The following TTBK2 variants were observed in gnomAD, a reference collection of about 807,000 sequenced individuals.
TTBK2 encodes the protein tau-tubulin kinase 2.
A neutral mutation model predicts 110.8 loss-of-function variants in TTBK2; 28 were observed. The observed-to-expected ratio is 0.25, with a 90% CI of 0.19 to 0.35. The LOEUF is 0.35. TTBK2 is among the 10% of genes least tolerant of loss of function. The probability of loss-of-function intolerance (pLI) is 1.00; values close to 1 mark genes in which losing one functional copy is unlikely to be tolerated. For missense variants in TTBK2, 1,369 were observed against 1,500.3 expected (o/e 0.91, Z 1.45); for synonymous variants, 532 against 527.3 (o/e 1.01, Z -0.12).
At chr15:42,818,467 C>T (rs1892134348) in intron 6 of TTBK2, among the ~76,000 whole-genome samples, 1 of 152,122 alleles carries the variant, frequency 6.6e-6, no homozygotes, top group Non-Finnish European at 1.5e-5. Context: ...CGCCTGTAAT[C>T]CCAGCACTTT....
chr15:42,763,359 A>G (rs973452860), intron 13 of TTBK2, among the ~76,000 whole-genome samples: 2 of 148,902 alleles, frequency 1.3e-5, no homozygotes, highest in Non-Finnish European at 3.0e-5. Flanking sequence ...GATTACAAGC[A>G]TGCCCCATCA....
intron 3 of TTBK2, among the ~76,000 whole-genome samples, chr15:42,863,792 C>T (rs542697288): frequency 9.8e-5 from 15 of 152,294 alleles, no homozygotes; most frequent in African/African-American, 3.4e-4. Context: ...CTATAACCAA[C>T]TGATCTTTGA....
chr15:42,894,547 T>C (rs940173182), intron 1 of TTBK2, among the ~76,000 whole-genome samples: 2 of 151,350 alleles, frequency 1.3e-5, no homozygotes, highest in Admixed American at 6.6e-5. Flanking sequence ...AGCCCAGGAG[T>C]TTGAGACCAG....
chr15:42,783,375 GAACT>G, intron 11 of TTBK2, 40 bp downstream of exon 11: 2 of 1,589,588 alleles, frequency 1.3e-6, no homozygotes, highest in South Asian at 2.2e-5. Flanking sequence ...CCAGCCTTCT[GAACT>G]GTAAGAAATA....
At chr15:42,809,635 C>T (rs188687483) in intron 9 of TTBK2, among the ~76,000 whole-genome samples, 2 of 152,310 alleles carry the variant, frequency 1.3e-5, no homozygotes, top group Admixed American at 6.5e-5. Context: ...TCCAAAACAA[C>T]TCACACACAG....
chr15:42,886,883 G>A (rs934421880), intron 1 of TTBK2, among the ~76,000 whole-genome samples: 7 of 151,984 alleles, frequency 4.6e-5, no homozygotes, highest in Non-Finnish European at 5.9e-5. Flanking sequence ...TGTGAGGGAC[G>A]CCACTGGAAA....
rs2061780888 is a variant in TTBK2 at position 42,745,651 on chromosome 15, G to A, written c.*144C>T. The A allele has an allele frequency of 1.0e-6, 1 of 996,334 alleles. No homozygotes were observed. The highest frequency in any genetic ancestry group is 1.6e-5 in the African/African-American group (1 of 62,712). 61.7% of individuals were successfully genotyped at this position (996,334 alleles called of 1,614,324 possible). A position where few individuals can be genotyped will look rare whatever the true frequency, so the allele number is the denominator to read the frequency against. On this transcript the variant is annotated 3_prime_UTR_variant, in exon 15 of 15. Transcript: ENST00000267890. ...TAGGTAATTCCTTATCATGTATTAT[G>A]TCTTCTTATAAATAATTGATCATGT...
intron 7 of TTBK2, among the ~76,000 whole-genome samples, chr15:42,816,203 G>A (rs569808049): frequency 2.3e-4 from 33 of 141,418 alleles, no homozygotes; most frequent in African/African-American, 8.5e-4. Flanking sequence ...CACAACCTTC[G>A]CCTCCCAGGT....
intron 4 of TTBK2, among the ~76,000 whole-genome samples, chr15:42,830,288 A>G (rs1287994534): frequency 1.3e-5 from 2 of 152,010 alleles, no homozygotes; most frequent in Non-Finnish European, 2.9e-5. Context: ...CCCGGGTTCA[A>G]GCGATTCTCC....
chr15:42,769,426 A>C (rs1217547101), intron 13 of TTBK2, among the ~76,000 whole-genome samples: 1 of 152,140 alleles, frequency 6.6e-6, no homozygotes, highest in African/African-American at 2.4e-5. Flanking sequence ...GACAAAAACA[A>C]CCCCAACAAA....
chr15:42,859,427 G>A (rs1445139674), intron 3 of TTBK2, among the ~76,000 whole-genome samples: 2 of 152,124 alleles, frequency 1.3e-5, no homozygotes, highest in Non-Finnish European at 2.9e-5. Flanking sequence ...TTTTACTGAA[G>A]CTTAATGGAT....
At chr15:42,882,889 T>G (rs1201479186) in intron 1 of TTBK2, among the ~76,000 whole-genome samples, 1 of 152,096 alleles carries the variant, frequency 6.6e-6, no homozygotes, top group African/African-American at 2.4e-5. Context: ...TCAAGGAAAG[T>G]TCTTCTGAGA....
At chr15:42,901,389 C>T (rs545863894) in intron 1 of TTBK2, among the ~76,000 whole-genome samples, 1 of 150,878 alleles carries the variant, frequency 6.6e-6, no homozygotes, top group Admixed American at 6.6e-5. Context: ...TAGAGGAAAA[C>T]ATAGGGGTAA....
intron 1 of TTBK2, among the ~76,000 whole-genome samples, chr15:42,895,578 C>T (rs1461810535): frequency 6.6e-6 from 1 of 150,456 alleles, no homozygotes; most frequent in Non-Finnish European, 1.5e-5. Context: ...CGCTCTGTCA[C>T]CCAGACTGGA....
intron 1 of TTBK2, among the ~76,000 whole-genome samples, chr15:42,895,668 G>A (rs906382605): frequency 2.6e-5 from 4 of 151,862 alleles, no homozygotes; most frequent in Non-Finnish European, 5.9e-5. Flanking sequence ...CTCCCAAGTA[G>A]CTGGGATTAC....
intron 3 of TTBK2, among the ~76,000 whole-genome samples, chr15:42,856,671 G>C (rs1352898941): frequency 6.6e-6 from 1 of 152,108 alleles, no homozygotes; most frequent in Admixed American, 6.5e-5. Flanking sequence ...AGCAGTTCAA[G>C]TTCTCAACAT....
intron 9 of TTBK2, among the ~76,000 whole-genome samples, chr15:42,807,263 T>C (rs572750367): frequency 1.3e-5 from 2 of 152,136 alleles, no homozygotes; most frequent in Admixed American, 6.6e-5. Context: ...GGTGAACTGG[T>C]TGAGATACAC....
intron 4 of TTBK2, among the ~76,000 whole-genome samples, chr15:42,837,453 T>A (rs1893036605): frequency 6.7e-6 from 1 of 149,792 alleles, no homozygotes; most frequent in Admixed American, 6.7e-5. Context: ...AGGTCAGGAG[T>A]TCGAGACCAG....
intron 3 of TTBK2, among the ~76,000 whole-genome samples, chr15:42,855,724 GC>G (rs1299240804): frequency 6.6e-6 from 1 of 151,826 alleles, no homozygotes; most frequent in Non-Finnish European, 1.5e-5. Flanking sequence ...TCTTGCTGTC[GC>G]CCAGGCTGGA....
Sources: gnomAD v4.1 joint callset for allele counts (sites outside exome capture counted in the v4.1 genomes callset) on GRCh38, gnomAD v4.1.1 for gene constraint, MANE v1.5 for transcripts, NCBI Gene and HGNC (gene_info 2026-07-23, HGNC 2026-07-21) for gene names.